Variants in SLC2A9 observed in about 807,000 individuals in gnomAD.
The protein encoded by SLC2A9 is solute carrier family 2, facilitated glucose transporter member 9.
SLC2A9 carries 39 observed loss-of-function variants against 50.6 expected under a neutral mutation model. That is an observed-to-expected ratio of 0.77 (90% CI 0.60 to 1.01). The LOEUF (loss-of-function observed/expected upper bound fraction) is 1.01, where lower values mean the gene tolerates loss of function less well. Ranked by LOEUF, SLC2A9 falls within the 50% of genes least tolerant of loss-of-function variation. The pLI, the probability that SLC2A9 is intolerant of heterozygous loss-of-function variation, is 0.00. For synonymous variants in SLC2A9, 324 were observed against 276.9 expected, an observed-to-expected ratio of 1.17 and a Z score of -1.69; for missense variants, 686 against 677.6, an observed-to-expected ratio of 1.01 and a Z score of -0.14.
intron 8 of SLC2A9, among the ~76,000 whole-genome samples, chr4:9,895,280 CA>C (rs1416688459): frequency 2.6e-5 from 4 of 152,204 alleles, no homozygotes; most frequent in African/African-American, 9.7e-5. Flanking sequence ...TCTAGGAAGA[CA>C]CCAGGGAAAC....
At chr4:9,807,415 C>G (rs562043641) in intron 3 of SLC2A9, among the ~76,000 whole-genome samples, 1 of 152,304 alleles carries the variant, frequency 6.6e-6, no homozygotes, top group African/African-American at 2.4e-5. Flanking sequence ...CCCCCACATT[C>G]CCTGCTAATC....
At chr4:9,839,915 C>T (rs1366178732) in intron 10 of SLC2A9, among the ~76,000 whole-genome samples, 2 of 152,198 alleles carry the variant, frequency 1.3e-5, no homozygotes, top group Middle Eastern at 3.4e-3. Flanking sequence ...ATCTGCATAA[C>T]AAACCCTTAT....
At chr4:9,892,192 A>G (rs1230090971) in intron 8 of SLC2A9, among the ~76,000 whole-genome samples, 2 of 152,194 alleles carry the variant, frequency 1.3e-5, no homozygotes, top group African/African-American at 4.8e-5. Context: ...TGCCTGTCCG[A>G]AGGGCATAGC....
chr4:10,038,456 G>A (rs889035784), intron 1 of SLC2A9, among the ~76,000 whole-genome samples: 3 of 132,696 alleles, frequency 2.3e-5, no homozygotes, highest in Non-Finnish European at 4.6e-5. Flanking sequence ...GCAGTGAGCC[G>A]AGATAGCACC....
chr4:9,779,435 G>T (rs1217276852), downstream of SLC2A9, among the ~76,000 whole-genome samples: 2 of 144,462 alleles, frequency 1.4e-5, no homozygotes, highest in Admixed American at 1.4e-4. Context: ...TTTTTTTTGA[G>T]ACGGAGTCTG....
chr4:9,927,108 C>T (rs370520801), intron 6 of SLC2A9, among the ~76,000 whole-genome samples: 2 of 151,480 alleles, frequency 1.3e-5, no homozygotes, highest in East Asian at 3.9e-4. Flanking sequence ...CCACTCACTG[C>T]AACCTCCGCC....
intron 5 of SLC2A9, among the ~76,000 whole-genome samples, chr4:9,949,138 C>G (rs1391032294): frequency 6.6e-6 from 1 of 152,202 alleles, no homozygotes; most frequent in Non-Finnish European, 1.5e-5. Flanking sequence ...TCCATTAAAG[C>G]ACTTGTTATT....
At chr4:9,813,177 A>C (rs993830880) in intron 3 of SLC2A9, among the ~76,000 whole-genome samples, 1 of 152,188 alleles carries the variant, frequency 6.6e-6, no homozygotes, top group African/African-American at 2.4e-5. Flanking sequence ...TATATGGAAA[A>C]TGTGGGGCAG....
At chr4:9,785,755 AT>A (rs1348891290) in intron 3 of SLC2A9, among the ~76,000 whole-genome samples, 1 of 152,256 alleles carries the variant, frequency 6.6e-6, no homozygotes, top group African/African-American at 2.4e-5. Flanking sequence ...GTCTTGGAAC[AT>A]TTATGTGAGT....
At chr4:9,808,770 G>A (rs556429167) in intron 3 of SLC2A9, among the ~76,000 whole-genome samples, 1 of 152,256 alleles carries the variant, frequency 6.6e-6, no homozygotes, top group Non-Finnish European at 1.5e-5. Context: ...GTGTGAACCA[G>A]AGAGAATACT....
chr4:10,026,198 G>A (rs1375229954), upstream of SLC2A9, among the ~76,000 whole-genome samples: 1 of 152,104 alleles, frequency 6.6e-6, no homozygotes, highest in Non-Finnish European at 1.5e-5. Context: ...CTCTATTTTT[G>A]AGTGCAGGGC....
In SLC2A9 at chr4:9,799,698, C is replaced by CCCCT. The variant is rs1553813272; in HGVS notation, n.421-458_421-457insAGGG. ...TGAGCTCCATTCCAATTGTACCCCC[C>CCCCT]CCCCACCCAACTTCTACACCAGTTT... On this transcript the variant is annotated intron_variant and non_coding_transcript_variant, in intron 3 of 3. Transcript: ENST00000503280. 3.7e-3 allele frequency among the ~76,000 whole-genome samples: 262 copies of CCCCT among 71,578 alleles called. 5 individuals carry two copies. Among genetic ancestry groups the CCCCT allele is most frequent in the African/African-American group, 0.011 (229 of 21,350 alleles). The allele number at this position is 71,578 out of a possible 152,430, so 47.0% of individuals were successfully genotyped here.
At chr4:9,935,803 C>T (rs1044148641) in intron 6 of SLC2A9, among the ~76,000 whole-genome samples, 2 of 152,222 alleles carry the variant, frequency 1.3e-5, no homozygotes, top group African/African-American at 4.8e-5. Context: ...CCCAGGACCT[C>T]ACGCTGGGGG....
chr4:9,892,747 C>T (rs80204783), intron 8 of SLC2A9, among the ~76,000 whole-genome samples: 4,304 of 152,262 alleles, frequency 0.028, 104 homozygotes, highest in Admixed American at 0.039. Flanking sequence ...CTAAGGAGTG[C>T]CCTGGGGATC....
At chr4:9,837,806 G>A (rs1281972390) in intron 10 of SLC2A9, among the ~76,000 whole-genome samples, 1 of 152,182 alleles carries the variant, frequency 6.6e-6, no homozygotes, top group Non-Finnish European at 1.5e-5. Context: ...CAACCATGAG[G>A]AGCCTGCACA....
At chr4:9,803,856 C>T (rs1175032172) in intron 3 of SLC2A9, among the ~76,000 whole-genome samples, 2 of 152,170 alleles carry the variant, frequency 1.3e-5, no homozygotes, top group Non-Finnish European at 2.9e-5. Context: ...TTAAATACCT[C>T]CTATGTGCTA....
intron 10 of SLC2A9, among the ~76,000 whole-genome samples, chr4:9,838,678 T>C (rs1372521720): frequency 2.0e-5 from 3 of 151,978 alleles, no homozygotes; most frequent in Non-Finnish European, 4.4e-5. Context: ...TGGAACAAAA[T>C]AGAGAACCCA....
chr4:9,810,313 G>A (rs987290316), intron 3 of SLC2A9, among the ~76,000 whole-genome samples: 4 of 152,094 alleles, frequency 2.6e-5, no homozygotes, highest in African/African-American at 9.7e-5. Flanking sequence ...GTTGCCAGCT[G>A]TGACTGTGGG....
intron 5 of SLC2A9, among the ~76,000 whole-genome samples, chr4:9,965,527 C>A (rs1397917597): frequency 1.2e-4 from 18 of 152,190 alleles, no homozygotes; most frequent in African/African-American, 4.3e-4. Context: ...AAGATGATCA[C>A]AAACTGACCA....
Sources: allele counts gnomAD v4.1 joint callset (sites outside exome capture counted in the v4.1 genomes callset), GRCh38; gene constraint gnomAD v4.1.1; transcripts MANE v1.5; gene names NCBI Gene and HGNC (gene_info 2026-07-23, HGNC 2026-07-21).